ATL3: variants seen among roughly 807,000 people sequenced by gnomAD.
ATL3 encodes atlastin GTPase 3, also known as atlastin-3.
ATL3 carries 49 observed loss-of-function variants against 69.5 expected under a neutral mutation model. The ratio of observed to expected loss-of-function variants is 0.71; its 90% confidence interval spans 0.56 to 0.89. ATL3 has a LOEUF of 0.89. Among genes scored for constraint, ATL3 ranks in the 40% least tolerant of loss-of-function variants. The pLI is 0.00. For synonymous variants in ATL3, 214 were observed against 224.1 expected (o/e 0.95, Z 0.40); for missense variants, 606 against 645.7 (o/e 0.94, Z 0.67).
At chr11:63,660,589 A>G (rs1172527856) in intron 1 of ATL3, among the ~76,000 whole-genome samples, 1 of 152,194 alleles carries the variant, frequency 6.6e-6, no homozygotes, top group African/African-American at 2.4e-5. Flanking sequence ...ATGAATGCCT[A>G]TGTCCACCAA....
chr11:63,659,228 G>A lies in ATL3; in HGVS notation c.71C>T (p.Pro24Leu). 6.2e-7 allele frequency: 1 copy of A among 1,613,954 alleles called. No homozygotes were observed. Among genetic ancestry groups the A allele is most frequent in the South Asian group, 1.1e-5 (1 of 91,086 alleles). ...AACCAAAACAACCTGCACTGGACCA[G>A]GCTTGCTGCTCTCCATGGCATCATC... ...GADDAMESSK[P>L]GPVQVVLVQK... Residue 24 changes from proline (P) to leucine (L), a missense_variant, in exon 2 of 13, where the codon CCT becomes CTT. Coordinates refer to ENST00000398868, the MANE Select transcript of ATL3 (RefSeq NM_015459.5).
intron 1 of ATL3, among the ~76,000 whole-genome samples, chr11:63,662,569 T>G (rs1045304091): frequency 6.6e-6 from 1 of 152,190 alleles, no homozygotes; most frequent in African/African-American, 2.4e-5. Context: ...AACCTCTGCC[T>G]CTCCGGCCCA....
At position 63,629,239 on chromosome 11, in the gene ATL3, A is replaced by G. The variant is rs1420565128; in HGVS notation, c.*80T>C. 6.1e-6 allele frequency: 7 copies of G among 1,142,006 alleles called. No homozygotes were observed. Among genetic ancestry groups the G allele is most frequent in the Non-Finnish European group, 8.0e-6 (6 of 754,176 alleles). The allele number at this position is 1,142,006 out of a possible 1,614,324, so 70.7% of individuals were successfully genotyped here. On this transcript the variant is annotated 3_prime_UTR_variant, in exon 13 of 13. Coordinates refer to ENST00000398868, the MANE Select transcript of ATL3 (RefSeq NM_015459.5). ...CGTCTCAGATCTGCCATTCCTCTGGATATGAACCTGTGGCCGTGGCAGAAA... is the reference window on the plus strand; with the variant it reads ...CGTCTCAGATCTGCCATTCCTCTGGGTATGAACCTGTGGCCGTGGCAGAAA...
intron 10 of ATL3, among the ~76,000 whole-genome samples, chr11:63,634,830 G>A (rs191541090): frequency 2.6e-5 from 4 of 151,736 alleles, no homozygotes; most frequent in Admixed American, 2.6e-4. Flanking sequence ...CAGCCTGGGC[G>A]ACACAGCAAG....
intron 1 of ATL3, among the ~76,000 whole-genome samples, chr11:63,660,303 C>A (rs1940382574): frequency 6.6e-6 from 1 of 152,056 alleles, no homozygotes; most frequent in African/African-American, 2.4e-5. Context: ...AAAAGATATA[C>A]AAATCCTATT....
At chr11:63,631,810 C>T (rs1420370606) in intron 11 of ATL3, among the ~76,000 whole-genome samples, 3 of 152,018 alleles carry the variant, frequency 2.0e-5, no homozygotes, top group Admixed American at 6.6e-5. Context: ...GGTGAAACTC[C>T]GTCTCTACTA....
chr11:63,656,048 C>A lies in ATL3; in HGVS notation c.405+2713G>T, dbSNP rs1387923430. ...GACCATCCTGGCTAACACAGTGAAA[C>A]CCCGTCTCTACTAAAAATACAAAAA... On this transcript the variant is annotated intron_variant, in intron 3 of 12. Transcript: ENST00000398868. 6.6e-5 allele frequency among the ~76,000 whole-genome samples: 10 copies of A among 151,838 alleles called. No individual in the cohort carries two copies. In the East Asian group the frequency reaches 2.0e-3, roughly 30 times the overall value.
At chr11:63,631,743 A>C (rs1234806298) in intron 11 of ATL3, among the ~76,000 whole-genome samples, 1 of 152,168 alleles carries the variant, frequency 6.6e-6, no homozygotes, top group Admixed American at 6.5e-5. Flanking sequence ...GCACTTTCGG[A>C]GGCCAGGGCG....
intron 10 of ATL3, among the ~76,000 whole-genome samples, chr11:63,633,322 T>C (rs939536704): frequency 1.3e-5 from 2 of 152,200 alleles, no homozygotes; most frequent in African/African-American, 2.4e-5. Context: ...TGTATTCTTA[T>C]ACATAAGAAT....
chr11:63,666,566 T>C (rs1167013461), intron 1 of ATL3, among the ~76,000 whole-genome samples: 1 of 151,878 alleles, frequency 6.6e-6, no homozygotes, highest in Non-Finnish European at 1.5e-5. Flanking sequence ...GGTCAAGTGC[T>C]AACTGGGTGT....
rs1939764534 is a variant in ATL3 at position 63,643,450 on chromosome 11, T to A, written c.757A>T (p.Ile253Phe). The A allele has an allele frequency of 1.2e-6, 2 of 1,613,150 alleles. No individual in the cohort carries two copies. The highest frequency in any genetic ancestry group is 1.7e-6 in the Non-Finnish European group (2 of 1,179,548). ...GTGACATCGGAGAAACATGAGTGAA[T>A]GTGATTTCGAACATTCTGAATTTCT... is the stretch of plus-strand genomic sequence containing the variant. ...HEEIQNVRNHIHSCFSDVTCF... is the reference protein window; with the variant it reads ...HEEIQNVRNHFHSCFSDVTCF... The change falls in exon 8 of 13, where the codon ATT becomes TTT. Residue 253 changes from isoleucine (I) to phenylalanine (F), a missense_variant. Ile to Phe is a conservative substitution (Grantham distance 21). Transcript: ENST00000398868.
intron 1 of ATL3, among the ~76,000 whole-genome samples, chr11:63,662,116 G>C (rs1362445754): frequency 6.6e-6 from 1 of 151,656 alleles, no homozygotes; most frequent in Non-Finnish European, 1.5e-5. Flanking sequence ...CAGAGGCTGA[G>C]GCAGGAGAAT....
intron 9 of ATL3, among the ~76,000 whole-genome samples, 175 bp downstream of exon 9, chr11:63,636,032 C>T (rs532771873): frequency 1.3e-5 from 2 of 151,216 alleles, no homozygotes; most frequent in Admixed American, 6.6e-5. Flanking sequence ...GTTCTTAGAC[C>T]GATACTGCCA....
At chr11:63,648,413 T>C (rs1392982796) in intron 5 of ATL3, among the ~76,000 whole-genome samples, 2 of 152,234 alleles carry the variant, frequency 1.3e-5, no homozygotes, top group Admixed American at 6.5e-5. Context: ...ACCTACCTCA[T>C]TGTGATCCAA....
intron 1 of ATL3, among the ~76,000 whole-genome samples, chr11:63,667,318 T>C (rs1300759765): frequency 6.6e-6 from 1 of 152,130 alleles, no homozygotes; most frequent in Non-Finnish European, 1.5e-5. Flanking sequence ...TGAAAATCTT[T>C]GTATAATTAG....
At chr11:63,654,040 C>T (rs1940162331) in intron 3 of ATL3, among the ~76,000 whole-genome samples, 1 of 152,018 alleles carries the variant, frequency 6.6e-6, no homozygotes, top group Admixed American at 6.6e-5. Context: ...ACAAATGTAT[C>T]ACACTATTAC....
At chr11:63,644,945 A>G (rs1939819459) in intron 6 of ATL3, among the ~76,000 whole-genome samples, 1 of 152,082 alleles carries the variant, frequency 6.6e-6, no homozygotes, top group Non-Finnish European at 1.5e-5. Context: ...GGCCGGGCAC[A>G]GTGGCTCACG....
intron 7 of ATL3, 69 bp from the exon 8 acceptor site, chr11:63,643,564 T>C (rs1018119948): frequency 3.2e-5 from 47 of 1,446,846 alleles, no homozygotes; most frequent in African/African-American, 4.3e-5. Context: ...ACAACTAGTA[T>C]AAGGACAAAG....
intron 11 of ATL3, chr11:63,632,268 T>C: frequency 1.3e-6 from 1 of 749,232 alleles, no homozygotes; most frequent in South Asian, 1.4e-5. Context: ...TTGGCTATGC[T>C]ATTCAGTATG....
Sources: gnomAD v4.1 joint callset for allele counts (sites outside exome capture counted in the v4.1 genomes callset) on GRCh38, gnomAD v4.1.1 for gene constraint, MANE v1.5 for transcripts, NCBI Gene and HGNC (gene_info 2026-07-23, HGNC 2026-07-21) for gene names.